The following HJURP variants were observed in gnomAD, a reference collection of about 807,000 sequenced individuals.
HJURP encodes the protein Holliday junction recognition protein.
In HJURP, 49 loss-of-function variants were observed where a neutral mutation model predicts 72.0. That is an observed-to-expected ratio of 0.68 (90% CI 0.54 to 0.86). The LOEUF is 0.86. Among genes scored for constraint, HJURP ranks in the 40% least tolerant of loss-of-function variants. The pLI is 0.00. For synonymous variants in HJURP, 357 were observed against 347.1 expected (o/e 1.03, Z -0.32); for missense variants, 908 against 936.3 (o/e 0.97, Z 0.39).
At chr2:233,850,922 C>A (rs1438942152) in intron 3 of HJURP, among the ~76,000 whole-genome samples, 1 of 152,236 alleles carries the variant, frequency 6.6e-6, no homozygotes, top group Non-Finnish European at 1.5e-5. Flanking sequence ...CAGCCTCCCC[C>A]AGCCTCCAGG....
chr2:233,843,754 T>C (rs947453269), intron 7 of HJURP, among the ~76,000 whole-genome samples: 2 of 152,220 alleles, frequency 1.3e-5, no homozygotes, highest in African/African-American at 4.8e-5. Context: ...GTTCAATTTC[T>C]GGCCTGTGTT....
chr2:233,839,695 G>A (rs1156602760), intron 8 of HJURP, among the ~76,000 whole-genome samples: 1 of 152,222 alleles, frequency 6.6e-6, no homozygotes, highest in Non-Finnish European at 1.5e-5. Flanking sequence ...GCGGGTCCAG[G>A]TGGGAGAAAC....
chr2:233,842,140 C>A lies in HJURP; in HGVS notation c.640G>T (p.Glu214Ter). 1 of 1,614,010 alleles carries A rather than the reference C, an allele frequency of 6.2e-7. No homozygotes were observed. The highest frequency in any genetic ancestry group is 8.5e-7 in the Non-Finnish European group (1 of 1,179,866). Reference sequence around the variant, plus strand: ...GAGGAAGGATGCAAAGGATCCCATTCTCTGGGAGATGAAGCTGGTTTCGCT... The same window carrying A: ...GAGGAAGGATGCAAAGGATCCCATTATCTGGGAGATGAAGCTGGTTTCGCT... ...DPAKPASSPR[E>*]WDPLHPSSTD... The change falls in exon 8 of 9, where the codon GAA becomes TAA. Residue 214 changes from glutamate (E) to a stop codon, truncating the protein, a stop_gained. Transcript: ENST00000411486. LOFTEE classifies it high-confidence loss of function.
In HJURP at chr2:233,847,380, C is replaced by A; in HGVS notation, c.402+17G>T. 6.2e-7 allele frequency: 1 copy of A among 1,607,464 alleles called. No individual in the cohort carries two copies. Among genetic ancestry groups the A allele is most frequent in the South Asian group, 1.1e-5 (1 of 90,966 alleles). The stretch of plus-strand genomic sequence containing the variant: ...AAGCGCCCCCTCTGTCCATTCATTA[C>A]TAAAGGCAGCACTTACTGCTAAGGC... On this transcript the variant is annotated intron_variant, in intron 5 of 8. Coordinates refer to ENST00000411486, the MANE Select transcript of HJURP (RefSeq NM_018410.5).
intron 5 of HJURP, 93 bp from the exon 6 acceptor site, chr2:233,845,913 C>CA (rs1705350973): frequency 1.3e-6 from 1 of 764,700 alleles, no homozygotes; most frequent in Non-Finnish European, 2.3e-6. Flanking sequence ...CATTAATGTA[C>CA]AAATCTTTAC....
chr2:233,838,719 A>G lies in HJURP; in HGVS notation c.2172-1067T>C, dbSNP rs3755317. Among the ~76,000 whole-genome samples, 1,354 of 152,248 alleles carry G rather than the reference A, an allele frequency of 8.9e-3. 98 individuals carry two copies. In the East Asian group the frequency reaches 0.18, roughly 21 times the overall value. On this transcript the variant is annotated intron_variant, in intron 8 of 8. Coordinates refer to ENST00000411486, the MANE Select transcript of HJURP (RefSeq NM_018410.5). ...TTTTTGGTGAAATTCTCCCCTTTCA[A>G]CTGAGAAGGAGACTCTTGAGAGGTC...
At chr2:233,851,906 C>A (rs1705504348) in intron 3 of HJURP, among the ~76,000 whole-genome samples, 1 of 152,112 alleles carries the variant, frequency 6.6e-6, no homozygotes. Flanking sequence ...CAGAGAGGAA[C>A]CATGTGGCAT....
rs531582873 is a variant in HJURP, at chr2:233,845,021, C to T, written c.495+707G>A. Among the ~76,000 whole-genome samples the T allele has an allele frequency of 5.9e-5, 9 of 151,944 alleles. 1 individual carries two copies. The South Asian group carries it at 1.9e-3, about 32-fold the overall frequency. On this transcript the variant is annotated intron_variant, in intron 6 of 8. Coordinates refer to ENST00000411486, the MANE Select transcript of HJURP (RefSeq NM_018410.5). Reference sequence around the variant, plus strand: ...GGCGGGACAGGTGCCAAGGGTCAGCCTCCTCACCTTGCAGCTGATTCTAGC... The same window carrying T: ...GGCGGGACAGGTGCCAAGGGTCAGCTTCCTCACCTTGCAGCTGATTCTAGC...
Position 233,852,568 on chromosome 2 carries a change from G to T in HJURP, c.237C>A (p.Ile79=), listed in dbSNP as rs146693562. 1 of 1,597,348 alleles carries T rather than the reference G, an allele frequency of 6.3e-7. No individual in the cohort carries two copies. Among genetic ancestry groups the T allele is most frequent in the Non-Finnish European group, 8.6e-7 (1 of 1,164,516 alleles). The change falls in exon 3 of 9, where the codon ATC becomes ATA. Residue 79 remains isoleucine, a synonymous_variant. Transcript: ENST00000411486. ...AATAAAATTTGACACTAAATACCTG[G>T]ATCTCTCCTTCGTTTCTTTCCTTTA... ...RLIKERNEGE[I]QDSSMKPADR...
intron 8 of HJURP, among the ~76,000 whole-genome samples, chr2:233,837,964 A>G (rs147265847): frequency 2.6e-5 from 4 of 152,344 alleles, no homozygotes; most frequent in South Asian, 2.1e-4. Flanking sequence ...CTACTTTTCC[A>G]TATCTATTAA....
At chr2:233,852,487 G>A (rs1027603427) in intron 3 of HJURP, 78 bp downstream of exon 3, 3 of 1,018,808 alleles carry the variant, frequency 2.9e-6, no homozygotes, top group Non-Finnish European at 4.7e-6. Context: ...CTCAGAGGTT[G>A]GGCATACCCA....
chr2:233,848,725 G>A (rs189815829), intron 4 of HJURP, among the ~76,000 whole-genome samples: 154 of 152,300 alleles, frequency 1.0e-3, no homozygotes, highest in Admixed American at 4.6e-3. Context: ...AAGCAGAGGG[G>A]CTGCTGGGCA....
rs895850513 is a variant in HJURP at position 233,837,345 on chromosome 2, T to C, written c.*232A>G. 3 of 263,148 alleles carry C rather than the reference T, an allele frequency of 1.1e-5. No homozygotes were observed. The highest frequency in any genetic ancestry group is 2.1e-5 in the Non-Finnish European group (3 of 142,052). 16.3% of individuals were successfully genotyped at this position (263,148 alleles called of 1,614,324 possible). ...CCCCCCCCCAAAAAAAACACACACA[T>C]CAGAAAAACAGGCCTATCAAAGAGA... On this transcript the variant is annotated 3_prime_UTR_variant, in exon 9 of 9. Transcript: ENST00000411486.
Position 233,840,973 on chromosome 2 carries a change from A to C in HJURP, c.1807T>G (p.Leu603Val). The C allele has an allele frequency of 6.2e-7, 1 of 1,614,136 alleles. No homozygotes were observed. The highest frequency in any genetic ancestry group is 1.1e-5 in the South Asian group (1 of 91,080). Residue 603 changes from leucine to valine, a missense_variant, in exon 8 of 9, where the codon TTA becomes GTA. By Grantham distance (32) the Leu-to-Val change is conservative (BLOSUM62 1). Coordinates refer to ENST00000411486, the MANE Select transcript of HJURP (RefSeq NM_018410.5). ...LKSPGQMTVP[L>V]CIGVSTDKAS... ...TTATCTGTAGACACTCCAATACATAAAGGCACTGTCATCTGCCCAGGAGAT... is the reference window on the plus strand; with the variant it reads ...TTATCTGTAGACACTCCAATACATACAGGCACTGTCATCTGCCCAGGAGAT...
At chr2:233,849,625 C>A (rs1705450708) in intron 4 of HJURP, 138 bp downstream of exon 4, 2 of 602,742 alleles carry the variant, frequency 3.3e-6, no homozygotes, top group Admixed American at 6.1e-5. Flanking sequence ...GGTACTTTAA[C>A]ATGATTTTAG....
intron 1 of HJURP, 143 bp from the exon 2 acceptor site, chr2:233,854,053 T>A: frequency 3.0e-6 from 2 of 669,980 alleles, no homozygotes; most frequent in Non-Finnish European, 5.2e-6. Context: ...AGCCCCCAAC[T>A]CCGCCTCTCT....
Position 233,854,490 on chromosome 2 carries a change from G to C in HJURP, c.11C>G (p.Thr4Arg), listed in dbSNP as rs374800251. Residue 4 changes from threonine (T) to arginine (R), a missense_variant, in exon 1 of 9, where the codon ACG (threonine) becomes AGG (arginine). Thr to Arg is a moderately conservative substitution (Grantham distance 71). Coordinates refer to ENST00000411486, the MANE Select transcript of HJURP (RefSeq NM_018410.5). MLGTLRAMEGEDVE... is the reference protein window; with the variant it reads MLGRLRAMEGEDVE... The stretch of plus-strand genomic sequence containing the variant: ...GTCCTCGCCCTCCATGGCGCGCAGC[G>C]TACCCAGCATCGGACCCAGCCAGTA... 2.5e-6 allele frequency: 4 copies of C among 1,611,310 alleles called. No homozygotes were observed. The Admixed American group carries it at 5.0e-5, about 20-fold the overall frequency.
rs1008885532 is a variant in HJURP, at chr2:233,852,496, C to A, written c.240+69G>T. 4.2e-5 allele frequency: 50 copies of A among 1,188,684 alleles called. No homozygotes were observed. The Admixed American group carries it at 8.6e-4, about 21-fold the overall frequency. 73.6% of individuals were successfully genotyped at this position (1,188,684 alleles called of 1,614,324 possible). The stretch of plus-strand genomic sequence containing the variant: ...CGTAAGCTCAGAGGTTGGGCATACC[C>A]ACACCTTTATTCATATGAATACTCC... On this transcript the variant is annotated intron_variant, in intron 3 of 8. Coordinates refer to ENST00000411486, the MANE Select transcript of HJURP (RefSeq NM_018410.5).
chr2:233,845,858 C>G, intron 5 of HJURP, 38 bp from the exon 6 acceptor site: 1 of 1,352,404 alleles, frequency 7.4e-7, no homozygotes, highest in Non-Finnish European at 1.1e-6. Flanking sequence ...TTAAGAGCTT[C>G]TGAGTATAGC....
Sources: allele counts gnomAD v4.1 joint callset (sites outside exome capture counted in the v4.1 genomes callset), GRCh38; gene constraint gnomAD v4.1.1; transcripts MANE v1.5; gene names NCBI Gene and HGNC (gene_info 2026-07-23, HGNC 2026-07-21).